The following CADM1 variants were observed in gnomAD, a reference collection of about 807,000 sequenced individuals.
CADM1 encodes the protein cell adhesion molecule 1.
In CADM1, 15 loss-of-function variants were observed where a neutral mutation model predicts 53.1. The ratio of observed to expected loss-of-function variants is 0.28; its 90% CI spans 0.19 to 0.44. The LOEUF is 0.44. CADM1 is among the 20% of genes least tolerant of loss of function. CADM1 has a pLI of 1.00. For missense variants in CADM1, 434 were observed against 611.3 expected (o/e 0.71, Z 3.06); for synonymous variants, 281 against 243.0 (o/e 1.16, Z -1.45).
intron 1 of CADM1, among the ~76,000 whole-genome samples, chr11:115,413,031 T>C (rs1591792293): frequency 6.6e-6 from 1 of 152,158 alleles, no homozygotes; most frequent in East Asian, 1.9e-4. Flanking sequence ...AAAAGTACCA[T>C]TTCATTCAGC....
intron 10 of CADM1, among the ~76,000 whole-genome samples, chr11:115,183,591 A>G (rs887187719): frequency 1.3e-5 from 2 of 152,162 alleles, no homozygotes; most frequent in African/African-American, 4.8e-5. Flanking sequence ...TCTTTTTGCC[A>G]AAAGGACACC....
At chr11:115,308,211 T>TATATATATATATATACACAC (rs139012671) in intron 1 of CADM1, among the ~76,000 whole-genome samples, 1 of 139,384 alleles carries the variant, frequency 7.2e-6, no homozygotes, top group Non-Finnish European at 1.5e-5. Flanking sequence ...TATATATATA[T>TATATATATATATATACACAC]ACACACCTAT....
chr11:115,379,959 T>C (rs1451783885), intron 1 of CADM1, among the ~76,000 whole-genome samples: 1 of 152,142 alleles, frequency 6.6e-6, no homozygotes, highest in Non-Finnish European at 1.5e-5. Context: ...ATAGACTATA[T>C]AATAAAAATC....
chr11:115,477,120 G>C (rs1198425577), intron 1 of CADM1, among the ~76,000 whole-genome samples: 1 of 152,082 alleles, frequency 6.6e-6, no homozygotes, highest in Non-Finnish European at 1.5e-5. Context: ...ACAGATTAAG[G>C]TGGACAGGAT....
intron 9 of CADM1, among the ~76,000 whole-genome samples, chr11:115,193,200 A>C (rs1939975041): frequency 6.6e-6 from 1 of 152,236 alleles, no homozygotes. Flanking sequence ...ACATTCTTCA[A>C]AAGGAGACTT....
chr11:115,270,166 C>T (rs1285594283), intron 1 of CADM1, among the ~76,000 whole-genome samples: 1 of 152,150 alleles, frequency 6.6e-6, no homozygotes, highest in African/African-American at 2.4e-5. Context: ...AGAGAATACG[C>T]AGACACACAA....
At chr11:115,502,110 GCTC>G (rs1263466833) in intron 1 of CADM1, among the ~76,000 whole-genome samples, 1 of 152,030 alleles carries the variant, frequency 6.6e-6, no homozygotes, top group African/African-American at 2.4e-5. Flanking sequence ...GTTCCAGACC[GCTC>G]CTAAGTCAGC....
chr11:115,345,309 G>C (rs983223233), intron 1 of CADM1, among the ~76,000 whole-genome samples: 14 of 152,160 alleles, frequency 9.2e-5, no homozygotes, highest in Admixed American at 3.9e-4. Context: ...CCAGAGTACA[G>C]CAATACACAC....
In CADM1 at chr11:115,350,925, T is replaced by TAAA. The variant is rs11378288; in HGVS notation, c.125-110508_125-110506dup. Among the ~76,000 whole-genome samples, 8 of 135,852 alleles carry TAAA rather than the reference T, an allele frequency of 5.9e-5. No homozygotes were observed. In the East Asian group the frequency reaches 1.3e-3, roughly 22 times the overall value. The allele number at this position is 135,852 out of a possible 152,430, so 89.1% of individuals were successfully genotyped here. A position where few individuals can be genotyped will look rare whatever the true frequency, so the allele number is the denominator to read the frequency against. On this transcript the variant is annotated intron_variant, in intron 1 of 11. Transcript: ENST00000331581. ...CTTGCCGCATTCTTTTACGAGAAGT[T>TAAA]AAAAAAAAAAAAAAAAAGTCAAGCT...
intron 7 of CADM1, among the ~76,000 whole-genome samples, chr11:115,214,053 TA>T (rs895188244): frequency 7.8e-6 from 1 of 128,756 alleles, no homozygotes; most frequent in East Asian, 2.0e-4. Context: ...AAAATGATAT[TA>T]AAAAAACAGA....
intron 1 of CADM1, among the ~76,000 whole-genome samples, chr11:115,374,923 T>G (rs1039324156): frequency 9.9e-5 from 15 of 152,222 alleles, no homozygotes; most frequent in African/African-American, 3.6e-4. Context: ...AATAAAAAGG[T>G]TTTTTTCAAA....
At chr11:115,192,660 C>T (rs1245729043) in intron 9 of CADM1, among the ~76,000 whole-genome samples, 2 of 152,210 alleles carry the variant, frequency 1.3e-5, no homozygotes, top group Non-Finnish European at 2.9e-5. Flanking sequence ...TTGGTGCCCA[C>T]TGAACCACAT....
At position 115,173,903 on chromosome 11, in the gene CADM1, C is replaced by CA; in HGVS notation, c.*2570dup. 5.2e-6 allele frequency: 5 copies of CA among 970,370 alleles called. No homozygotes were observed. Among genetic ancestry groups the CA allele is most frequent in the Non-Finnish European group, 6.1e-6 (5 of 816,418 alleles). 60.1% of individuals were successfully genotyped at this position (970,370 alleles called of 1,614,324 possible). A position where few individuals can be genotyped will look rare whatever the true frequency, so the allele number is the denominator to read the frequency against. ...TTATTTTATATTCCTTTAAAAAACA[C>CA]AAAAAACAAGTTTGTTCTTTCTTCA... On this transcript the variant is annotated 3_prime_UTR_variant, in exon 12 of 12. Coordinates refer to ENST00000331581, the MANE Select transcript of CADM1 (RefSeq NM_001301043.2).
chr11:115,406,412 AAACT>A (rs1203584896), intron 1 of CADM1, among the ~76,000 whole-genome samples: 4 of 151,522 alleles, frequency 2.6e-5, no homozygotes, highest in Admixed American at 1.3e-4. Context: ...ACTGAAGATT[AAACT>A]AACAAAATCC....
chr11:115,438,665 A>AT (rs1255582506), intron 1 of CADM1, among the ~76,000 whole-genome samples: 1 of 152,158 alleles, frequency 6.6e-6, no homozygotes, highest in African/African-American at 2.4e-5. Context: ...AGTAGGCTAC[A>AT]TTTTCTAATG....
At chr11:115,409,198 T>C (rs996241236) in intron 1 of CADM1, among the ~76,000 whole-genome samples, 1 of 152,114 alleles carries the variant, frequency 6.6e-6, no homozygotes, top group Non-Finnish European at 1.5e-5. Context: ...AAGTCAAGAA[T>C]ATAATAAAGC....
intron 7 of CADM1, among the ~76,000 whole-genome samples, chr11:115,211,916 T>G (rs1326782461): frequency 6.6e-6 from 1 of 151,880 alleles, no homozygotes; most frequent in Non-Finnish European, 1.5e-5. Flanking sequence ...ACCAGACTAA[T>G]GAAGACACAG....
Position 115,218,138 on chromosome 11 carries a change from T to A in CADM1, c.722-147A>T, listed in dbSNP as rs73572131. On this transcript the variant is annotated intron_variant, in intron 5 of 11. Coordinates refer to ENST00000331581, the MANE Select transcript of CADM1 (RefSeq NM_001301043.2). ...TAACACCCTTCTAATTAGTTGGTAA[T>A]CCTGGCATTTGCTCAAATTAAATTG... 2,704 of 676,710 alleles carry A rather than the reference T, an allele frequency of 4.0e-3. 48 individuals carry two copies. Among genetic ancestry groups the A allele is most frequent in the African/African-American group, 0.038 (2,134 of 56,692 alleles). 41.9% of individuals were successfully genotyped at this position (676,710 alleles called of 1,614,324 possible).
intron 1 of CADM1, among the ~76,000 whole-genome samples, chr11:115,401,066 G>A (rs186353644): frequency 2.6e-5 from 4 of 152,170 alleles, no homozygotes; most frequent in Admixed American, 6.5e-5. Context: ...AGCTTCATTC[G>A]TAATTGCCAA....
Sources: allele counts gnomAD v4.1 joint callset (sites outside exome capture counted in the v4.1 genomes callset), GRCh38; gene constraint gnomAD v4.1.1; transcripts MANE v1.5; gene names NCBI Gene and HGNC (gene_info 2026-07-23, HGNC 2026-07-21).